The following CTNND2 variants were observed in gnomAD, a reference collection of about 807,000 sequenced individuals.
CTNND2 encodes catenin delta-2.
A neutral mutation model predicts 144.4 loss-of-function variants in CTNND2; 22 were observed. The ratio of observed to expected loss-of-function variants is 0.15; its 90% CI spans 0.11 to 0.22. The LOEUF (loss-of-function observed/expected upper bound fraction) is 0.22. Among genes scored for constraint, CTNND2 ranks in the 10% least tolerant of loss-of-function variants. CTNND2 has a pLI of 1.00. For synonymous variants in CTNND2, 751 were observed against 695.6 expected, an observed-to-expected ratio of 1.08 and a Z score of -1.25; for missense variants, 1,353 against 1,618.8, an observed-to-expected ratio of 0.84 and a Z score of 2.82.
At chr5:11,430,089 A>G (rs1763147056) in intron 3 of CTNND2, among the ~76,000 whole-genome samples, 1 of 151,724 alleles carries the variant, frequency 6.6e-6, no homozygotes, top group Non-Finnish European at 1.5e-5. Flanking sequence ...GTCTCTACTA[A>G]AAATACAAAA....
chr5:11,899,128 A>AG (rs1481911603), intron 1 of CTNND2, among the ~76,000 whole-genome samples: 2 of 152,152 alleles, frequency 1.3e-5, no homozygotes, highest in African/African-American at 2.4e-5. Context: ...TTAATTGGGG[A>AG]GGGGGTCTTC....
At chr5:11,888,034 C>G (rs1736684052) in intron 1 of CTNND2, among the ~76,000 whole-genome samples, 1 of 152,130 alleles carries the variant, frequency 6.6e-6, no homozygotes, top group Admixed American at 6.5e-5. Context: ...ATGCTTTCAA[C>G]CTGGTATTAC....
chr5:11,339,670 T>C (rs1286343022), intron 9 of CTNND2, among the ~76,000 whole-genome samples: 1 of 151,910 alleles, frequency 6.6e-6, no homozygotes, highest in Non-Finnish European at 1.5e-5. Flanking sequence ...TGTTGGGAGG[T>C]GACTAGGTTA....
intron 3 of CTNND2, among the ~76,000 whole-genome samples, chr5:11,520,318 G>A (rs1772610732): frequency 6.6e-6 from 1 of 152,058 alleles, no homozygotes; most frequent in Admixed American, 6.6e-5. Context: ...TATTATCACA[G>A]CCCTGCCACC....
At chr5:11,013,512 A>G (rs1365530351) in intron 18 of CTNND2, among the ~76,000 whole-genome samples, 1 of 152,230 alleles carries the variant, frequency 6.6e-6, no homozygotes, top group Non-Finnish European at 1.5e-5. Context: ...ATGACCTTGT[A>G]GATAAAGATG....
intron 1 of CTNND2, among the ~76,000 whole-genome samples, chr5:11,873,084 T>G (rs1311167396): frequency 6.6e-6 from 1 of 152,078 alleles, no homozygotes; most frequent in Non-Finnish European, 1.5e-5. Flanking sequence ...GGGAGAAAAT[T>G]TTTGCAATCT....
intron 2 of CTNND2, among the ~76,000 whole-genome samples, chr5:11,565,797 T>C (rs527495215): frequency 3.9e-5 from 6 of 152,338 alleles, no homozygotes; most frequent in African/African-American, 1.2e-4. Flanking sequence ...CAGGATTTTG[T>C]ACCATATTTT....
At chr5:11,814,598 C>CCAGA (rs1792525042) in intron 1 of CTNND2, among the ~76,000 whole-genome samples, 1 of 152,220 alleles carries the variant, frequency 6.6e-6, no homozygotes, top group Non-Finnish European at 1.5e-5. Flanking sequence ...AAAGGGAAAG[C>CCAGA]CAGACGCAGA....
At chr5:11,713,986 G>A (rs1205016853) in intron 2 of CTNND2, among the ~76,000 whole-genome samples, 2 of 152,136 alleles carry the variant, frequency 1.3e-5, no homozygotes, top group Non-Finnish European at 2.9e-5. Flanking sequence ...TCCCTAACAA[G>A]ACCGTAGCCT....
intron 3 of CTNND2, among the ~76,000 whole-genome samples, chr5:11,469,767 A>G (rs994538592): frequency 1.3e-5 from 2 of 152,154 alleles, no homozygotes; most frequent in East Asian, 3.9e-4. Context: ...ACCTTTTCCA[A>G]TGCTCCATTT....
At chr5:11,330,625 T>C (rs1023943478) in intron 9 of CTNND2, among the ~76,000 whole-genome samples, 3 of 150,872 alleles carry the variant, frequency 2.0e-5, no homozygotes, top group African/African-American at 7.3e-5. Flanking sequence ...GGAGTTCCAG[T>C]CCAGCCTGAC....
At chr5:11,625,463 A>G (rs904237501) in intron 2 of CTNND2, among the ~76,000 whole-genome samples, 5 of 151,674 alleles carry the variant, frequency 3.3e-5, no homozygotes. Context: ...TTTACAAAAA[A>G]TAACTTAAAC....
intron 12 of CTNND2, 69 bp downstream of exon 12, chr5:11,159,506 AG>A: frequency 7.8e-7 from 1 of 1,284,432 alleles, no homozygotes; most frequent in Non-Finnish European, 1.1e-6. Flanking sequence ...GAGCCACTAA[AG>A]TTATGGAAAG....
intron 16 of CTNND2, among the ~76,000 whole-genome samples, chr5:11,057,242 T>G (rs1746433603): frequency 1.3e-5 from 2 of 152,154 alleles, no homozygotes; most frequent in Admixed American, 1.3e-4. Flanking sequence ...ATTCATCTAA[T>G]GGGGTGGGTT....
At chr5:10,998,190 T>C (rs1047045759) in intron 18 of CTNND2, among the ~76,000 whole-genome samples, 3 of 152,148 alleles carry the variant, frequency 2.0e-5, no homozygotes, top group Non-Finnish European at 4.4e-5. Flanking sequence ...GTCCTGCAGG[T>C]AACTTGTCTG....
At chr5:11,778,318 G>A (rs1314498799) in intron 1 of CTNND2, among the ~76,000 whole-genome samples, 1 of 152,026 alleles carries the variant, frequency 6.6e-6, no homozygotes, top group Admixed American at 6.6e-5. Context: ...GCGGGGCAGG[G>A]GGGCAGTGGT....
rs1289557466 is a variant in CTNND2, at chr5:11,565,063, G to T, written c.175-7C>A. 8 of 1,602,948 alleles carry T rather than the reference G, an allele frequency of 5.0e-6. No individual in the cohort carries two copies. Among genetic ancestry groups the T allele is most frequent in the Non-Finnish European group, 6.8e-6 (8 of 1,170,076 alleles). On this transcript the variant is annotated splice_region_variant and splice_polypyrimidine_tract_variant and intron_variant, in intron 2 of 21. Transcript: ENST00000304623. ...GCCTTTCAAACTGTAATTCCTGAAA[G>T]AAACCCATCAACAAGATCAATTCAA...
chr5:11,903,415 G>A lies in CTNND2; in HGVS notation c.37+402C>T. On this transcript the variant is annotated intron_variant, in intron 1 of 21. Transcript: ENST00000304623. The surrounding 1 kb of genome is among the most constrained non-coding windows in gnomAD (Gnocchi z 5.4). ...TTGAACATAAGGGCAAAAGACTGGA[G>A]GGAAGTCCTCCCCACCCCCACCCCG... 2 of 1,041,250 alleles carry A rather than the reference G, an allele frequency of 1.9e-6. No individual in the cohort carries two copies. The highest frequency in any genetic ancestry group is 4.2e-5 in the South Asian group (1 of 24,030). The allele number at this position is 1,041,250 out of a possible 1,614,324, so 64.5% of individuals were successfully genotyped here. A position where few individuals can be genotyped will look rare whatever the true frequency, so the allele number is the denominator to read the frequency against.
intron 9 of CTNND2, among the ~76,000 whole-genome samples, chr5:11,247,717 T>G (rs1165964316): frequency 6.6e-6 from 1 of 152,206 alleles, no homozygotes; most frequent in African/African-American, 2.4e-5. Context: ...TCAAATTTAA[T>G]TACATGTAGC....
Sources: allele counts gnomAD v4.1 joint callset (sites outside exome capture counted in the v4.1 genomes callset), GRCh38; gene constraint gnomAD v4.1.1; non-coding constraint Gnocchi (gnomAD v3.1); transcripts MANE v1.5; gene names NCBI Gene and HGNC (gene_info 2026-07-23, HGNC 2026-07-21).